Variants in CSMD1 observed in about 807,000 individuals in gnomAD.
CSMD1 encodes the protein CUB and sushi domain-containing protein 1.
In CSMD1, 213 loss-of-function variants were observed where a neutral mutation model predicts 417.5. That is an observed-to-expected ratio of 0.51 (90% CI 0.46 to 0.57). The LOEUF (loss-of-function observed/expected upper bound fraction) is 0.57, where lower values mean the gene tolerates loss of function less well. CSMD1 is among the 20% of genes least tolerant of loss of function. The probability of loss-of-function intolerance (pLI) is 0.00; values close to 1 mark genes in which losing one functional copy is unlikely to be tolerated. For missense variants in CSMD1, 6,923 were observed against 4,529.7 expected, an observed-to-expected ratio of 1.53 and a Z score of -15.17; for synonymous variants, 2,862 against 1,736.8, an observed-to-expected ratio of 1.65 and a Z score of -16.11.
At position 3,326,998 on chromosome 8, in the gene CSMD1, A is replaced by G. The variant is rs567387826; in HGVS notation, c.3631+16296T>C. On this transcript the variant is annotated intron_variant, in intron 23 of 69. Transcript: ENST00000635120. The stretch of plus-strand genomic sequence containing the variant: ...TCAAGACCTGCCTGGGCAATAGAGC[A>G]AGACCCTACTCTCCACTAAAAGGAA... 1.4e-4 allele frequency among the ~76,000 whole-genome samples: 22 copies of G among 152,216 alleles called. No individual in the cohort carries two copies. In the East Asian group the frequency reaches 4.2e-3, roughly 29 times the overall value.
At chr8:4,985,383 A>G (rs1811124183) in intron 1 of CSMD1, among the ~76,000 whole-genome samples, 1 of 148,600 alleles carries the variant, frequency 6.7e-6, no homozygotes, top group Non-Finnish European at 1.5e-5. Context: ...TTTTTTTTAA[A>G]AAAAAATGTG....
At chr8:4,014,991 T>G (rs2740939) in intron 4 of CSMD1, among the ~76,000 whole-genome samples, 64,756 of 152,024 alleles carry the variant, frequency 0.43, 14,607 homozygotes, top group South Asian at 0.57. Flanking sequence ...GCACAGCAAA[T>G]ATGCAAACCA....
intron 51 of CSMD1, among the ~76,000 whole-genome samples, chr8:3,020,270 C>A (rs1165249945): frequency 1.3e-5 from 2 of 152,196 alleles, no homozygotes; most frequent in Non-Finnish European, 2.9e-5. Context: ...AAGTATAAAT[C>A]AGGACCTATT....
intron 1 of CSMD1, among the ~76,000 whole-genome samples, chr8:4,881,411 A>ATGTCTATCTATC (rs1554509736): frequency 1.5e-5 from 2 of 134,792 alleles, no homozygotes; most frequent in Non-Finnish European, 3.2e-5. Flanking sequence ...CCTAGTATAC[A>ATGTCTATCTATC]TATCTATCTA....
Position 3,348,158 on chromosome 8 carries a change from T to G in CSMD1, c.3308A>C (p.Glu1103Ala), listed in dbSNP as rs753926538. 23 of 1,611,120 alleles carry G rather than the reference T, an allele frequency of 1.4e-5. No individual in the cohort carries two copies. The highest frequency in any genetic ancestry group is 2.0e-5 in the Non-Finnish European group (23 of 1,178,634). Reference sequence around the variant, plus strand: ...ATTTCCTTTGACACTTGCTCCACATTCGGCTACAATAAATAGGACATGAGA... The same window carrying G: ...ATTTCCTTTGACACTTGCTCCACATGCGGCTACAATAAATAGGACATGAGA... ...WSAPLPRCVA[E>A]CGASVKGNEG... is the part of the protein sequence containing the mutation. The change falls in exon 22 of 70, where the codon GAA becomes GCA. Residue 1103 changes from glutamate (E) to alanine (A), a missense_variant. Coordinates refer to ENST00000635120, the MANE Select transcript of CSMD1 (RefSeq NM_033225.6).
Position 3,242,288 on chromosome 8 carries a change from G to A in CSMD1, c.4154-12057C>T, listed in dbSNP as rs1235176121. Among the ~76,000 whole-genome samples, 3 of 150,452 alleles carry A rather than the reference G, an allele frequency of 2.0e-5. 1 individual carries two copies. The highest frequency in any genetic ancestry group is 4.9e-5 in the African/African-American group (2 of 41,046). On this transcript the variant is annotated intron_variant, in intron 26 of 69. Coordinates refer to ENST00000635120, the MANE Select transcript of CSMD1 (RefSeq NM_033225.6). The stretch of plus-strand genomic sequence containing the variant: ...GAAGATTTGGGACCTAGCTCGGCCT[G>A]GGGAGGAAGGGAGAGGTCAGATGGG...
intron 5 of CSMD1, among the ~76,000 whole-genome samples, chr8:3,979,666 A>C (rs961783666): frequency 6.6e-6 from 1 of 152,208 alleles, no homozygotes; most frequent in African/African-American, 2.4e-5. Context: ...AGACGCTGAA[A>C]GCAGGTGCCA....
intron 60 of CSMD1, 99 bp downstream of exon 60, chr8:2,963,123 C>T (rs1231144888): frequency 1.5e-6 from 2 of 1,326,174 alleles, no homozygotes; most frequent in South Asian, 1.3e-5. Flanking sequence ...TTATTACCCA[C>T]CAGGAAGGTC....
chr8:4,044,765 G>C (rs142874002), intron 3 of CSMD1, among the ~76,000 whole-genome samples: 1 of 20,744 alleles, frequency 4.8e-5, no homozygotes, highest in South Asian at 3.0e-3. Flanking sequence ...TGGCCACATA[G>C]CACCCTAGCC....
At chr8:4,852,322 T>G (rs1345121598) in intron 1 of CSMD1, among the ~76,000 whole-genome samples, 1 of 152,184 alleles carries the variant, frequency 6.6e-6, no homozygotes, top group Non-Finnish European at 1.5e-5. Flanking sequence ...GGCTTCCTGC[T>G]ATCCTTGCAA....
At chr8:3,473,068 TA>T (rs1466585404) in intron 11 of CSMD1, among the ~76,000 whole-genome samples, 9 of 152,136 alleles carry the variant, frequency 5.9e-5, no homozygotes, top group Non-Finnish European at 1.3e-4. Flanking sequence ...TTTAACTTAC[TA>T]AAAACGTAAT....
intron 25 of CSMD1, among the ~76,000 whole-genome samples, chr8:3,292,911 C>T (rs199676250): frequency 6.6e-6 from 1 of 151,872 alleles, no homozygotes; most frequent in Non-Finnish European, 1.5e-5. Flanking sequence ...GATGCAGTTT[C>T]TTCCTAGTCT....
At chr8:4,339,514 C>G (rs939825220) in intron 3 of CSMD1, among the ~76,000 whole-genome samples, 2 of 152,064 alleles carry the variant, frequency 1.3e-5, no homozygotes, top group African/African-American at 2.4e-5. Flanking sequence ...ATTTATAAGA[C>G]TTCAATTTCA....
chr8:3,622,256 T>C (rs1256604028), intron 7 of CSMD1, among the ~76,000 whole-genome samples: 1 of 152,196 alleles, frequency 6.6e-6, no homozygotes, highest in Non-Finnish European at 1.5e-5. Flanking sequence ...GGATGTCTTC[T>C]ATACTACCTC....
intron 2 of CSMD1, among the ~76,000 whole-genome samples, chr8:4,449,642 C>T (rs1050933689): frequency 2.6e-5 from 4 of 152,126 alleles, no homozygotes; most frequent in African/African-American, 4.8e-5. Flanking sequence ...GAGCAATCCA[C>T]ATAGATCATG....
At position 4,070,651 on chromosome 8, in the gene CSMD1, C is replaced by A. The variant is rs1445246764; in HGVS notation, c.416-38552G>T. Among the ~76,000 whole-genome samples the A allele has an allele frequency of 2.6e-5, 4 of 152,260 alleles. No homozygotes were observed. The East Asian group carries it at 5.8e-4, about 22-fold the overall frequency. ...GGATTACAGGCGTGAGCCACCGTGC[C>A]CGGCCACCACCTATAACACTCTCTA... is the stretch of plus-strand genomic sequence containing the variant. On this transcript the variant is annotated intron_variant, in intron 3 of 69. Transcript: ENST00000635120.
At chr8:3,778,553 TG>T (rs1440945976) in intron 5 of CSMD1, among the ~76,000 whole-genome samples, 1 of 152,202 alleles carries the variant, frequency 6.6e-6, no homozygotes, top group Non-Finnish European at 1.5e-5. Context: ...CGCTCTTGCC[TG>T]GGGTTTATTT....
At chr8:4,837,434 T>A (rs143296215) in intron 1 of CSMD1, among the ~76,000 whole-genome samples, 3 of 152,294 alleles carry the variant, frequency 2.0e-5, no homozygotes, top group Non-Finnish European at 2.9e-5. Context: ...GATTCTATCA[T>A]TTGCAACAAC....
At chr8:4,052,746 C>G (rs1365414482) in intron 3 of CSMD1, among the ~76,000 whole-genome samples, 1 of 150,988 alleles carries the variant, frequency 6.6e-6, no homozygotes, top group Non-Finnish European at 1.5e-5. Flanking sequence ...GATAAAAGAA[C>G]AAGTTTTAAA....
Sources: allele counts gnomAD v4.1 joint callset (sites outside exome capture counted in the v4.1 genomes callset), GRCh38; gene constraint gnomAD v4.1.1; transcripts MANE v1.5; gene names NCBI Gene and HGNC (gene_info 2026-07-23, HGNC 2026-07-21).